The following MUC12 variants were observed in gnomAD, a reference collection of about 807,000 sequenced individuals.
MUC12 encodes the protein mucin 12, cell surface associated.
MUC12 carries 172 observed loss-of-function variants against 230.8 expected under a neutral mutation model. The observed-to-expected ratio is 0.75, with a 90% confidence interval of 0.66 to 0.85. The LOEUF (loss-of-function observed/expected upper bound fraction) is 0.85. Ranked by LOEUF, MUC12 falls within the 40% of genes least tolerant of loss-of-function variation. The pLI is 0.00. For missense variants in MUC12, 3,506 were observed against 5,920.6 expected, an observed-to-expected ratio of 0.59 and a Z score of 13.38; for synonymous variants, 1,259 against 2,401.9, an observed-to-expected ratio of 0.52 and a Z score of 13.91.
rs1395390244 is a variant in MUC12, at chr7:100,998,269, C to G, written c.7706C>G (p.Thr2569Arg). ...ACGCCTTCACCTCCTAGCACCGCAACAGCCCCTGTTGAAGAATCTACAACC... is the reference window on the plus strand; with the variant it reads ...ACGCCTTCACCTCCTAGCACCGCAAGAGCCCCTGTTGAAGAATCTACAACC... Reference protein sequence around the residue: ...HTTPSPPSTATAPVEESTTYH... With the variant: ...HTTPSPPSTARAPVEESTTYH... Residue 2569 changes from threonine (T) to arginine (R), a missense_variant, in exon 2 of 12, where the codon ACA (threonine) becomes AGA (arginine). Transcript: ENST00000536621. 4.5e-6 allele frequency: 4 copies of G among 887,700 alleles called. 1 individual carries two copies. The highest frequency in any genetic ancestry group is 6.6e-6 in the Non-Finnish European group (4 of 604,412). 55.0% of individuals were successfully genotyped at this position (887,700 alleles called of 1,614,324 possible). A position where few individuals can be genotyped will look rare whatever the true frequency, so the allele number is the denominator to read the frequency against.
Position 100,991,919 on chromosome 7 carries a change from A to C in MUC12, c.1356A>C (p.Leu452Phe), listed in dbSNP as rs1208519350. ...CAGATGCAATGGCAACAACAGTCTT[A>C]CCTGCCGGCTCTACACCCTCAGTTC... The part of the protein sequence containing the change: ...SSPDAMATTV[L>F]PAGSTPSVLV... The change falls in exon 2 of 12, where the codon TTA becomes TTC. Residue 452 changes from leucine (L) to phenylalanine (F), a missense_variant. By Grantham distance (22) the Leu-to-Phe change is conservative (BLOSUM62 0). Coordinates refer to ENST00000536621, the MANE Select transcript of MUC12 (RefSeq NM_001164462.2). 1 of 1,537,812 alleles carries C rather than the reference A, an allele frequency of 6.5e-7. No individual in the cohort carries two copies. The highest frequency in any genetic ancestry group is 2.4e-5 in the East Asian group (1 of 40,912).
At chr7:101,013,717 C>T (rs1202599691) in intron 8 of MUC12, among the ~76,000 whole-genome samples, 196 bp from the exon 9 acceptor site, 1 of 152,162 alleles carries the variant, frequency 6.6e-6, no homozygotes, top group Admixed American at 6.5e-5. Context: ...TCCTGATCTG[C>T]AGTCTCCAGG....
At position 100,990,825 on chromosome 7, in the gene MUC12, C is replaced by A; in HGVS notation, c.262C>A (p.Pro88Thr). The change falls in exon 2 of 12, where the codon CCA (proline) becomes ACA (threonine). Residue 88 changes from proline (P) to threonine (T), a missense_variant. Coordinates refer to ENST00000536621, the MANE Select transcript of MUC12 (RefSeq NM_001164462.2). ...GGAATCAACAGTATCCCACAGCGGCCCAGGTGCAACTGGAACAACACTCTT... is the reference window on the plus strand; with the variant it reads ...GGAATCAACAGTATCCCACAGCGGCACAGGTGCAACTGGAACAACACTCTT... ...SEESTVSHSG[P>T]GATGTTLFPS... The A allele has an allele frequency of 6.5e-7, 1 of 1,537,770 alleles. No individual in the cohort carries two copies. The highest frequency in any genetic ancestry group is 1.2e-5 in the South Asian group (1 of 84,068).
Position 101,017,579 on chromosome 7 carries a change from G to C in MUC12, c.15882G>C (p.Gln5294His). 1 of 1,535,134 alleles carries C rather than the reference G, an allele frequency of 6.5e-7. No homozygotes were observed. Among genetic ancestry groups the C allele is most frequent in the Non-Finnish European group, 8.7e-7 (1 of 1,145,570 alleles). ...CATCACGGCCTCTCCCTACAGACCA[G>C]AATCTGAGGGAGAGCAGATTCGGCC... is the stretch of plus-strand genomic sequence containing the variant. ...IFQKTAIWED[Q>H]NLRESRFGLE... The change falls in exon 11 of 12, where the codon CAG (glutamine) becomes CAC (histidine). Residue 5294 changes from glutamine to histidine, a missense_variant. By Grantham distance (24) the Gln-to-His change is conservative. Coordinates refer to ENST00000536621, the MANE Select transcript of MUC12 (RefSeq NM_001164462.2).
rs376181565 is a variant in MUC12, at chr7:100,990,832, C to T, written c.269C>T (p.Ala90Val). ...ACAGTATCCCACAGCGGCCCAGGTG[C>T]AACTGGAACAACACTCTTCCCTTCC... ...ESTVSHSGPG[A>V]TGTTLFPSHS... is the part of the protein sequence containing the mutation. Residue 90 changes from alanine to valine, a missense_variant, in exon 2 of 12, where the codon GCA becomes GTA. Ala to Val is a moderately conservative substitution (Grantham distance 64). Transcript: ENST00000536621. The T allele has an allele frequency of 4.2e-5, 64 of 1,537,610 alleles. No homozygotes were observed. The highest frequency in any genetic ancestry group is 1.7e-4 in the Middle Eastern group (1 of 6,018).
At chr7:100,989,408 T>G (rs1793244473) in intron 1 of MUC12, among the ~76,000 whole-genome samples, 4 of 151,174 alleles carry the variant, frequency 2.6e-5, no homozygotes, top group African/African-American at 4.9e-5. Context: ...CACCTGGCCT[T>G]GGGTATGTTT....
intron 4 of MUC12, 134 bp from the exon 5 acceptor site, chr7:101,008,961 C>T: frequency 7.9e-7 from 1 of 1,264,500 alleles, no homozygotes; most frequent in Non-Finnish European, 1.1e-6. Context: ...GAGGGAGCTT[C>T]CTGGGTTGGT....
chr7:101,017,488 T>A (rs1055099295), intron 10 of MUC12, 87 bp from the exon 11 acceptor site: 1 of 837,374 alleles, frequency 1.2e-6, no homozygotes, highest in African/African-American at 1.7e-5. Context: ...CCGGGCTGAC[T>A]CTTCCTTTTG....
intron 1 of MUC12, among the ~76,000 whole-genome samples, chr7:100,983,577 G>A (rs971775009): frequency 2.0e-5 from 3 of 152,308 alleles, no homozygotes; most frequent in East Asian, 1.9e-4. Flanking sequence ...AGGGCCAACT[G>A]AACAGGGCAG....
intron 1 of MUC12, among the ~76,000 whole-genome samples, chr7:100,987,205 T>C (rs2116290374): frequency 6.6e-6 from 1 of 152,068 alleles, no homozygotes; most frequent in South Asian, 2.1e-4. Flanking sequence ...TAGCTGGGAT[T>C]ACAGGCGCAT....
intron 11 of MUC12, 111 bp downstream of exon 11, chr7:101,017,774 ACTCC>A: frequency 1.9e-6 from 1 of 537,068 alleles, no homozygotes; most frequent in Non-Finnish European, 2.8e-6. Context: ...TCCCCCTGGG[ACTCC>A]CTCCCTTCCC....
intron 4 of MUC12, 62 bp downstream of exon 4, chr7:101,008,823 G>A (rs1480705794): frequency 1.3e-6 from 2 of 1,496,990 alleles, no homozygotes; most frequent in South Asian, 1.3e-5. Context: ...AAATTGGGGG[G>A]TGCACCCCAA....
chr7:101,004,824 C>G lies in MUC12; in HGVS notation c.14261C>G (p.Pro4754Arg). 1.3e-6 allele frequency: 2 copies of G among 1,537,140 alleles called. No homozygotes were observed. Among genetic ancestry groups the G allele is most frequent in the Non-Finnish European group, 1.7e-6 (2 of 1,146,500 alleles). The change falls in exon 2 of 12, where the codon CCT (proline) becomes CGT (arginine). Residue 4754 changes from proline (P) to arginine (R), a missense_variant. Physicochemically the swap from Pro to Arg is moderately radical, Grantham distance 103. Transcript: ENST00000536621. ...SSRSPDQTLS[P>R]ASMTSSSISG... Reference sequence around the variant, plus strand: ...AGATCACCAGACCAAACACTCTCACCTGCCAGCATGACAAGCTCCAGCATC... The same window carrying G: ...AGATCACCAGACCAAACACTCTCACGTGCCAGCATGACAAGCTCCAGCATC...
chr7:101,009,003 A>G (rs1438865901), intron 4 of MUC12, 92 bp from the exon 5 acceptor site: 1 of 1,434,446 alleles, frequency 7.0e-7, no homozygotes, highest in African/African-American at 1.4e-5. Flanking sequence ...CCTGGGCTCC[A>G]CAGAAAGGTG....
rs1369240837 is a variant in MUC12, at chr7:100,995,642, A to T, written c.5079A>T (p.Pro1693=). The change falls in exon 2 of 12, where the codon CCA becomes CCT. Residue 1693 remains proline, a synonymous_variant. Coordinates refer to ENST00000536621, the MANE Select transcript of MUC12 (RefSeq NM_001164462.2). ...AATCTACCACCTTCCAGAGCTGGCC[A>T]AGCTCAAAGGACACTATGCCTGCAC... ...QGESTTFQSW[P]SSKDTMPAPP... is the part of the protein sequence containing the mutation. The T allele has an allele frequency of 3.9e-6, 6 of 1,536,802 alleles. No homozygotes were observed. In the African/African-American group the frequency reaches 6.9e-5, roughly 18 times the overall value.
At chr7:101,008,141 T>C (rs1214838079) in intron 3 of MUC12, among the ~76,000 whole-genome samples, 1 of 150,978 alleles carries the variant, frequency 6.6e-6, no homozygotes, top group African/African-American at 2.4e-5. Context: ...CTCCATTTCT[T>C]TTGAGATAGG....
intron 1 of MUC12, among the ~76,000 whole-genome samples, chr7:100,974,825 AAAT>A (rs144350754): frequency 2.6e-5 from 4 of 151,696 alleles, no homozygotes; most frequent in Admixed American, 1.3e-4. Context: ...ACCTTGTCTC[AAAT>A]AATAATAATA....
rs1562785182 is a variant in MUC12, at chr7:100,994,586, T to G, written c.4023T>G (p.Pro1341=). The change falls in exon 2 of 12, where the codon CCT becomes CCG. Residue 1341 remains proline (P), a synonymous_variant. Transcript: ENST00000536621. ...QPGSTHTTAF[P]DSTTTSDLSQ... is the part of the protein sequence containing the mutation. ...GCTCAACGCACACAACAGCATTCCCTGACAGCACCACCACCTCAGACCTCA... is the reference window on the plus strand; with the variant it reads ...GCTCAACGCACACAACAGCATTCCCGGACAGCACCACCACCTCAGACCTCA... 1.4e-5 allele frequency: 14 copies of G among 989,830 alleles called. 1 individual carries two copies. Among genetic ancestry groups the G allele is most frequent in the Non-Finnish European group, 1.8e-5 (13 of 737,502 alleles). The allele number at this position is 989,830 out of a possible 1,614,324, so 61.3% of individuals were successfully genotyped here.
intron 5 of MUC12, among the ~76,000 whole-genome samples, chr7:101,010,235 G>A (rs1793820170): frequency 6.6e-6 from 1 of 152,090 alleles, no homozygotes; most frequent in Non-Finnish European, 1.5e-5. Context: ...ATGGGGGAAG[G>A]AGATGATGAG....
Sources: allele counts gnomAD v4.1 joint callset (sites outside exome capture counted in the v4.1 genomes callset), GRCh38; gene constraint gnomAD v4.1.1; transcripts MANE v1.5; gene names NCBI Gene and HGNC (gene_info 2026-07-23, HGNC 2026-07-21).